ALDH1A2: variants seen among roughly 807,000 people sequenced by gnomAD.
ALDH1A2 encodes the protein retinal dehydrogenase 2.
In ALDH1A2, 27 loss-of-function variants were observed where a neutral mutation model predicts 60.3. That is an observed-to-expected ratio of 0.45 (90% CI 0.33 to 0.62). ALDH1A2 has a LOEUF of 0.62. Among genes scored for constraint, ALDH1A2 ranks in the 20% least tolerant of loss-of-function variants. The pLI, the probability that ALDH1A2 is intolerant of heterozygous loss-of-function variation, is 0.02. For missense variants in ALDH1A2, 581 were observed against 643.8 expected (o/e 0.90, Z 1.06); for synonymous variants, 289 against 232.4 (o/e 1.24, Z -2.21).
chr15:58,044,881 A>G (rs1896600052), intron 1 of ALDH1A2, among the ~76,000 whole-genome samples: 1 of 151,950 alleles, frequency 6.6e-6, no homozygotes, highest in South Asian at 2.1e-4. Flanking sequence ...AGCTGGTTAC[A>G]ATTTCATGGC....
chr15:57,963,084 T>C (rs4646628), intron 9 of ALDH1A2, among the ~76,000 whole-genome samples: 60,473 of 152,042 alleles, frequency 0.4, 12,490 homozygotes, highest in Non-Finnish European at 0.46. Flanking sequence ...AGCCCTTCAC[T>C]TCCTACACTT....
At chr15:57,957,240 G>A (rs1893558423) in intron 12 of ALDH1A2, among the ~76,000 whole-genome samples, 1 of 152,070 alleles carries the variant, frequency 6.6e-6, no homozygotes, top group Non-Finnish European at 1.5e-5. Flanking sequence ...CATCCTCTTG[G>A]TGCCCAGTCA....
intron 7 of ALDH1A2, among the ~76,000 whole-genome samples, chr15:57,984,566 T>A (rs1402605774): frequency 6.6e-6 from 1 of 152,200 alleles, no homozygotes; most frequent in Non-Finnish European, 1.5e-5. Flanking sequence ...TAATCAACTT[T>A]CTGTTTATAG....
At chr15:57,961,944 C>T (rs1436910933) in intron 10 of ALDH1A2, 68 bp downstream of exon 10, 5 of 1,573,278 alleles carry the variant, frequency 3.2e-6, no homozygotes, top group Admixed American at 1.7e-5. Flanking sequence ...CTAATATCAT[C>T]CACTAGAAAT....
chr15:57,985,555 T>C (rs1024046521), intron 7 of ALDH1A2, among the ~76,000 whole-genome samples: 6 of 152,148 alleles, frequency 3.9e-5, no homozygotes, highest in African/African-American at 7.2e-5. Flanking sequence ...AAGTAAAAAA[T>C]AGTAAACCCT....
intron 1 of ALDH1A2, chr15:58,058,209 A>T (rs1896943121): frequency 2.8e-6 from 2 of 706,636 alleles, no homozygotes; most frequent in Admixed American, 4.3e-5. Context: ...TCCCACCTGA[A>T]ATCGTGCCAC....
intron 7 of ALDH1A2, among the ~76,000 whole-genome samples, chr15:57,985,367 G>T (rs1050820792): frequency 6.6e-6 from 1 of 152,028 alleles, no homozygotes; most frequent in Non-Finnish European, 1.5e-5. Flanking sequence ...AACCCCTAGA[G>T]CTCTCTCCCT....
At chr15:58,057,374 A>T (rs1896922165) in intron 1 of ALDH1A2, among the ~76,000 whole-genome samples, 1 of 152,156 alleles carries the variant, frequency 6.6e-6, no homozygotes, top group South Asian at 2.1e-4. Context: ...TTACCACGCA[A>T]AACAATAGCA....
chr15:58,057,338 T>C (rs1274679509), intron 1 of ALDH1A2, among the ~76,000 whole-genome samples: 1 of 152,106 alleles, frequency 6.6e-6, no homozygotes, highest in Admixed American at 6.6e-5. Context: ...ATGGTACATA[T>C]ATATAAAACA....
At chr15:58,017,635 C>T (rs1390388598) in intron 1 of ALDH1A2, among the ~76,000 whole-genome samples, 2 of 152,080 alleles carry the variant, frequency 1.3e-5, no homozygotes, top group Non-Finnish European at 2.9e-5. Context: ...GTTCTAGGTT[C>T]ATATACGACA....
chr15:57,990,198 A>G (rs1894847008), intron 7 of ALDH1A2: 1 of 152,220 alleles, frequency 6.6e-6, no homozygotes. Context: ...AAATGAAACC[A>G]ATACTCTAAG....
Position 57,955,065 on chromosome 15 carries a change from G to A in ALDH1A2, c.*132C>T. On this transcript the variant is annotated 3_prime_UTR_variant, in exon 13 of 13. Transcript: ENST00000249750. Reference sequence around the variant, plus strand: ...CTTTAGTTGTGCAGTGACCTGCCTGGCCTACATGTTATCTTTTCAATCTTT... The same window carrying A: ...CTTTAGTTGTGCAGTGACCTGCCTGACCTACATGTTATCTTTTCAATCTTT... The A allele has an allele frequency of 9.8e-7, 1 of 1,019,276 alleles. No individual in the cohort carries two copies. Among genetic ancestry groups the A allele is most frequent in the South Asian group, 1.3e-5 (1 of 78,554 alleles). The allele number at this position is 1,019,276 out of a possible 1,614,324, so 63.1% of individuals were successfully genotyped here.
chr15:57,984,272 G>GTA (rs569362318), intron 7 of ALDH1A2, among the ~76,000 whole-genome samples: 36 of 152,284 alleles, frequency 2.4e-4, no homozygotes, highest in Admixed American at 1.4e-3. Flanking sequence ...CATTTAGCAG[G>GTA]TACTTGACAC....
At chr15:57,975,277 C>G in intron 7 of ALDH1A2, among the ~76,000 whole-genome samples, 1 of 152,168 alleles carries the variant, frequency 6.6e-6, no homozygotes, top group East Asian at 1.9e-4. Flanking sequence ...TTATTAGTCC[C>G]AAACTGAAAA....
chr15:57,961,532 T>G (rs1288587770), intron 10 of ALDH1A2, among the ~76,000 whole-genome samples: 2 of 152,200 alleles, frequency 1.3e-5, no homozygotes, highest in African/African-American at 4.8e-5. Context: ...CCACTGTGTA[T>G]ACTAGGGGTG....
intron 1 of ALDH1A2, among the ~76,000 whole-genome samples, chr15:58,053,239 A>G (rs1372808242): frequency 6.6e-6 from 1 of 152,188 alleles, no homozygotes; most frequent in Non-Finnish European, 1.5e-5. Context: ...GCTTCTTCTA[A>G]GAGATTTTTG....
intron 1 of ALDH1A2, among the ~76,000 whole-genome samples, chr15:58,055,552 A>G (rs1426534691): frequency 1.3e-5 from 2 of 152,050 alleles, no homozygotes; most frequent in Non-Finnish European, 2.9e-5. Flanking sequence ...GAATGCTCAG[A>G]GAATATACAT....
At chr15:58,010,268 T>G (rs1028314188) in intron 4 of ALDH1A2, among the ~76,000 whole-genome samples, 1 of 152,032 alleles carries the variant, frequency 6.6e-6, no homozygotes, top group African/African-American at 2.4e-5. Flanking sequence ...GTAGATCTTA[T>G]ATGTTTCAGG....
Position 57,993,159 on chromosome 15 carries a change from A to G in ALDH1A2, c.556-86T>C, listed in dbSNP as rs35541155. The G allele has an allele frequency of 2.3e-4, 350 of 1,502,130 alleles. 1 individual carries two copies. The African/African-American group carries it at 4.3e-3, about 18-fold the overall frequency. The allele number at this position is 1,502,130 out of a possible 1,614,324, so 93.1% of individuals were successfully genotyped here. ...AAGCTGTGACTTCTCATATTTCTCAAACTAGTCCTCGACATAAATCTTGTC... is the reference window on the plus strand; with the variant it reads ...AAGCTGTGACTTCTCATATTTCTCAGACTAGTCCTCGACATAAATCTTGTC... On this transcript the variant is annotated intron_variant, in intron 5 of 12. Coordinates refer to ENST00000249750, the MANE Select transcript of ALDH1A2 (RefSeq NM_003888.4).
Sources: gnomAD v4.1 joint callset for allele counts (sites outside exome capture counted in the v4.1 genomes callset) on GRCh38, gnomAD v4.1.1 for gene constraint, MANE v1.5 for transcripts, NCBI Gene and HGNC (gene_info 2026-07-23, HGNC 2026-07-21) for gene names.